NUP133: variants seen among roughly 807,000 people sequenced by gnomAD.
NUP133 encodes nuclear pore complex protein Nup133.
NUP133 carries 66 observed loss-of-function variants against 146.2 expected under a neutral mutation model. That is an observed-to-expected ratio of 0.45 (90% CI 0.37 to 0.55). The LOEUF is 0.55. Among genes scored for constraint, NUP133 ranks in the 20% least tolerant of loss-of-function variants. The pLI is 0.00. For synonymous variants in NUP133, 521 were observed against 498.8 expected (o/e 1.04, Z -0.59); for missense variants, 1,277 against 1,374.8 (o/e 0.93, Z 1.12).
intron 14 of NUP133, 40 bp downstream of exon 14, chr1:229,475,598 C>G: frequency 6.8e-7 from 1 of 1,477,762 alleles, no homozygotes; most frequent in Non-Finnish European, 9.5e-7. Flanking sequence ...GGAGAGACTG[C>G]CAAAGGCAGA....
chr1:229,441,804 T>C lies in NUP133; in HGVS notation c.*100A>G, dbSNP rs937285862. On this transcript the variant is annotated 3_prime_UTR_variant, in exon 26 of 26. Coordinates refer to ENST00000261396, the MANE Select transcript of NUP133 (RefSeq NM_018230.3). ...TAAAGTATAAAAACTCAGCTATACA[T>C]GTTATGAAATTGTACAAACTTACAC... 6 of 940,080 alleles carry C rather than the reference T, an allele frequency of 6.4e-6. No homozygotes were observed. The East Asian group carries it at 1.0e-4, about 16-fold the overall frequency. 58.2% of individuals were successfully genotyped at this position (940,080 alleles called of 1,614,324 possible).
chr1:229,463,465 T>C, intron 19 of NUP133, 78 bp downstream of exon 19: 1 of 1,454,886 alleles, frequency 6.9e-7, no homozygotes, highest in Non-Finnish European at 9.3e-7. Flanking sequence ...AAGCCCTGAT[T>C]ACAGATTTGA....
intron 8 of NUP133, among the ~76,000 whole-genome samples, chr1:229,494,186 G>A (rs1442903010): frequency 6.6e-6 from 1 of 152,170 alleles, no homozygotes; most frequent in African/African-American, 2.4e-5. Context: ...ATAGTGGGCT[G>A]TCCTAGCAGT....
chr1:229,499,147 G>T, intron 5 of NUP133: 1 of 467,108 alleles, frequency 2.1e-6, no homozygotes. Context: ...CAATCCTTCC[G>T]CTTCAGCCAT....
intron 22 of NUP133, chr1:229,451,037 T>C (rs1660437387): frequency 6.6e-6 from 1 of 152,512 alleles, no homozygotes; most frequent in Non-Finnish European, 1.5e-5. Flanking sequence ...TGTATTTTTA[T>C]AGTAAAAACA....
intron 19 of NUP133, among the ~76,000 whole-genome samples, chr1:229,461,906 C>T (rs1337960193): frequency 2.8e-5 from 4 of 144,466 alleles, no homozygotes; most frequent in South Asian, 2.1e-4. Context: ...TTTTTTGAGA[C>T]GGATTCTTGT....
intron 7 of NUP133, 126 bp downstream of exon 7, chr1:229,495,766 T>G: frequency 1.0e-6 from 1 of 970,104 alleles, no homozygotes; most frequent in Non-Finnish European, 1.5e-6. Flanking sequence ...CCACTTAATC[T>G]GATAACCATA....
chr1:229,492,420 C>T (rs1460522066), intron 8 of NUP133, among the ~76,000 whole-genome samples: 1 of 152,054 alleles, frequency 6.6e-6, no homozygotes, highest in Non-Finnish European at 1.5e-5. Context: ...TTACTAGCAA[C>T]TTTCATTCAA....
Position 229,458,154 on chromosome 1 carries a change from C to T in NUP133, c.2980+7G>A, listed in dbSNP as rs1660609662. The T allele has an allele frequency of 3.1e-6, 5 of 1,607,030 alleles. No individual in the cohort carries two copies. The highest frequency in any genetic ancestry group is 3.4e-5 in the Admixed American group (2 of 58,812). On this transcript the variant is annotated splice_region_variant and intron_variant, in intron 21 of 25. Transcript: ENST00000261396. ...ATTTGTAAATCCTTTTGCTCAAATT[C>T]TTTCACCTTCAATTTTTTCTTGTAG...
chr1:229,464,456 G>A (rs79532624), intron 18 of NUP133, among the ~76,000 whole-genome samples, 168 bp downstream of exon 18: 1,650 of 152,272 alleles, frequency 0.011, 29 homozygotes, highest in African/African-American at 0.037. Context: ...TACCTAGATA[G>A]TACTGGAAAA....
Position 229,470,784 on chromosome 1 carries a change from T to C in NUP133, c.1872A>G (p.Leu624=), listed in dbSNP as rs1660938011. The C allele has an allele frequency of 2.5e-6, 4 of 1,614,002 alleles. No homozygotes were observed. Among genetic ancestry groups the C allele is most frequent in the Non-Finnish European group, 2.5e-6 (3 of 1,179,984 alleles). ...FIHQVGLFGR[L]GSFPVRGTPM... ...GTGTCCCTCTAACTGGAAAACTGCC[T>C]AGACGTCCAAATAAGCCAACCTTGC... Residue 624 remains leucine, a synonymous_variant, in exon 15 of 26, where the codon CTA becomes CTG. Transcript: ENST00000261396.
In NUP133 at chr1:229,498,138, T is replaced by C; in HGVS notation, c.817A>G (p.Thr273Ala). 6.4e-7 allele frequency: 1 copy of C among 1,566,862 alleles called. No homozygotes were observed. Among genetic ancestry groups the C allele is most frequent in the Non-Finnish European group, 8.6e-7 (1 of 1,158,672 alleles). Residue 273 changes from threonine (T) to alanine (A), a missense_variant and splice_region_variant, in exon 6 of 26, where the codon ACA (threonine) becomes GCA (alanine). Around this residue, in one of 3 missense-constraint regions of NUP133, gnomAD observed 952 missense variants for 1,047.0 expected, o/e 0.91. Transcript: ENST00000261396. ...FGILSPSSDLTLSSVLWDRER... is the reference protein window; with the variant it reads ...FGILSPSSDLALSSVLWDRER... ...AAATAGTTATTTTATAAACTTACTGTGAGATCACTACTAGGAGATAAAATT... is the reference window on the plus strand; with the variant it reads ...AAATAGTTATTTTATAAACTTACTGCGAGATCACTACTAGGAGATAAAATT...
chr1:229,481,402 G>A (rs1661208861), intron 12 of NUP133, among the ~76,000 whole-genome samples: 1 of 152,070 alleles, frequency 6.6e-6, no homozygotes, highest in Non-Finnish European at 1.5e-5. Flanking sequence ...TCCAATGACT[G>A]ATGTCCTTAT....
rs1426482743 is a variant in NUP133, at chr1:229,498,196, T to C, written c.759A>G (p.Ser253=). The C allele has an allele frequency of 1.2e-6, 2 of 1,613,446 alleles. No homozygotes were observed. The highest frequency in any genetic ancestry group is 4.5e-5 in the East Asian group (2 of 44,840). Residue 253 remains serine, a synonymous_variant, in exon 6 of 26, where the codon TCA becomes TCG. Coordinates refer to ENST00000261396, the MANE Select transcript of NUP133 (RefSeq NM_018230.3). ...GAGAAGAAACTTTTCGACCAATTCC[T>C]GAAAGCATGCCTTGCCCCTGAGGCA... The part of the protein sequence containing the change: ...HILPQGQGML[S]GIGRKVSSLF...
Position 229,495,476 on chromosome 1 carries a change from C to T in NUP133, c.1046+19G>A, listed in dbSNP as rs369858054. 69 of 1,576,908 alleles carry T rather than the reference C, an allele frequency of 4.4e-5. No homozygotes were observed. In the African/African-American group the frequency reaches 7.0e-4, roughly 16 times the overall value. On this transcript the variant is annotated intron_variant, in intron 8 of 25. Coordinates refer to ENST00000261396, the MANE Select transcript of NUP133 (RefSeq NM_018230.3). ...TCCAAACTCTTCTCTATGTTCTTTA[C>T]GACAAATTAATTGCTTACCAGTTTT...
intron 19 of NUP133, among the ~76,000 whole-genome samples, chr1:229,463,304 G>C (rs987715597): frequency 6.6e-6 from 1 of 152,168 alleles, no homozygotes; most frequent in Non-Finnish European, 1.5e-5. Flanking sequence ...GGTGTGGGAG[G>C]GGGTGAGGTG....
chr1:229,463,411 C>T (rs751709001), intron 19 of NUP133, 132 bp downstream of exon 19: 215 of 1,029,160 alleles, frequency 2.1e-4, no homozygotes, highest in Middle Eastern at 6.1e-4. Flanking sequence ...AAATTAGTAT[C>T]TTCTCATCAA....
At position 229,499,737 on chromosome 1, in the gene NUP133, C is replaced by A; in HGVS notation, c.595G>T (p.Ala199Ser). 6.2e-7 allele frequency: 1 copy of A among 1,614,124 alleles called. No homozygotes were observed. Among genetic ancestry groups the A allele is most frequent in the African/African-American group, 1.3e-5 (1 of 75,054 alleles). ...TTATCACCTCCCGAATCTACAAAAG[C>A]CTCTGTGTAGGTATCTTCACCAGCA... ...SLAGEDTYTE[A>S]FVDSGGDKTY... The change falls in exon 5 of 26, where the codon GCT becomes TCT. Residue 199 changes from alanine (A) to serine (S), a missense_variant. By Grantham distance (99) the Ala-to-Ser change is moderately conservative (BLOSUM62 1). Coordinates refer to ENST00000261396, the MANE Select transcript of NUP133 (RefSeq NM_018230.3).
At chr1:229,483,210 C>T (rs1661259787) in intron 12 of NUP133, among the ~76,000 whole-genome samples, 2 of 152,072 alleles carry the variant, frequency 1.3e-5, no homozygotes, top group Admixed American at 6.5e-5. Context: ...ATGATCCTCC[C>T]AACTCAGCCT....
Sources: gnomAD v4.1 joint callset for allele counts (sites outside exome capture counted in the v4.1 genomes callset) on GRCh38, gnomAD v4.1.1 for gene constraint, gnomAD v4.1.1 regional missense constraint, MANE v1.5 for transcripts, NCBI Gene and HGNC (gene_info 2026-07-23, HGNC 2026-07-21) for gene names.